The following HIPK2 variants were observed in gnomAD, a reference collection of about 807,000 sequenced individuals.
HIPK2 encodes the protein homeodomain-interacting protein kinase 2.
HIPK2 carries 27 observed loss-of-function variants against 113.7 expected under a neutral mutation model. That is an observed-to-expected ratio of 0.24 (90% CI 0.17 to 0.33). HIPK2 has a LOEUF of 0.33. Among genes scored for constraint, HIPK2 ranks in the 10% least tolerant of loss-of-function variants. The pLI, the probability that HIPK2 is intolerant of heterozygous loss-of-function variation, is 1.00. For synonymous variants in HIPK2, 631 were observed against 642.2 expected (o/e 0.98, Z 0.26); for missense variants, 1,257 against 1,588.0 (o/e 0.79, Z 3.54).
Position 139,626,585 on chromosome 7 carries a change from C to G in HIPK2, c.1619+16G>C, listed in dbSNP as rs773693800. 1 of 1,609,214 alleles carries G rather than the reference C, an allele frequency of 6.2e-7. No homozygotes were observed. Among genetic ancestry groups the G allele is most frequent in the African/African-American group, 1.3e-5 (1 of 74,958 alleles). ...TTTGCCGATCCCTGGTACGAAGCAT[C>G]AGGCAGGACACCTACTGTGTGCTGT... On this transcript the variant is annotated intron_variant, in intron 6 of 14. Transcript: ENST00000406875.
intron 2 of HIPK2, among the ~76,000 whole-genome samples, chr7:139,688,000 G>C (rs1569474614): frequency 6.6e-6 from 1 of 152,168 alleles, no homozygotes; most frequent in African/African-American, 2.4e-5. Context: ...CACATCCAGG[G>C]ATAAGCTCAC....
At chr7:139,690,776 C>T (rs563958320) in intron 2 of HIPK2, among the ~76,000 whole-genome samples, 3 of 152,362 alleles carry the variant, frequency 2.0e-5, no homozygotes, top group East Asian at 3.9e-4. Flanking sequence ...CCTTCACCTT[C>T]AGCCATGAGT....
At chr7:139,722,069 A>T (rs767771637) in intron 1 of HIPK2, 1 of 473,694 alleles carries the variant, frequency 2.1e-6, no homozygotes, top group South Asian at 1.6e-5. Flanking sequence ...TCAGATATGC[A>T]TGGGGTTCTT....
At chr7:139,650,349 C>CAAAA (rs35368461) in intron 2 of HIPK2, among the ~76,000 whole-genome samples, 1 of 100,212 alleles carries the variant, frequency 1.0e-5, no homozygotes, top group African/African-American at 4.2e-5. Context: ...GACTCCATCT[C>CAAAA]AAAAAAAAAA....
intron 2 of HIPK2, among the ~76,000 whole-genome samples, chr7:139,703,873 A>AC (rs1269448162): frequency 0.97 from 121,862 of 125,048 alleles, 59,372 homozygotes; most frequent in South Asian, 0.99. Context: ...CACACCCAAC[A>AC]CCACCACACA....
At chr7:139,775,852 T>C (rs982664116) in intron 1 of HIPK2, among the ~76,000 whole-genome samples, 1 of 152,106 alleles carries the variant, frequency 6.6e-6, no homozygotes, top group Non-Finnish European at 1.5e-5. Context: ...CAAGATGGCT[T>C]TCCACAAAGT....
At chr7:139,697,094 C>A (rs1472899533) in intron 2 of HIPK2, among the ~76,000 whole-genome samples, 1 of 152,196 alleles carries the variant, frequency 6.6e-6, no homozygotes, top group Non-Finnish European at 1.5e-5. Context: ...AATACTCCCC[C>A]TTTCGCCTCC....
At chr7:139,702,059 C>T (rs967886690) in intron 2 of HIPK2, among the ~76,000 whole-genome samples, 1 of 152,170 alleles carries the variant, frequency 6.6e-6, no homozygotes, top group African/African-American at 2.4e-5. Flanking sequence ...GAAAGAAGAA[C>T]ACGCTTTAGG....
At chr7:139,749,628 GT>G (rs893993349) in intron 1 of HIPK2, among the ~76,000 whole-genome samples, 3 of 152,210 alleles carry the variant, frequency 2.0e-5, no homozygotes, top group Admixed American at 1.3e-4. Flanking sequence ...CAGGTCTGAG[GT>G]AAGACGCCGC....
intron 2 of HIPK2, among the ~76,000 whole-genome samples, chr7:139,659,809 G>T (rs1418179645): frequency 6.6e-6 from 1 of 152,054 alleles, no homozygotes; most frequent in East Asian, 1.9e-4. Flanking sequence ...GTTATTTCTT[G>T]ATTTCCTTTA....
intron 2 of HIPK2, among the ~76,000 whole-genome samples, chr7:139,703,505 T>A (rs1393493397): frequency 6.6e-6 from 1 of 152,048 alleles, no homozygotes; most frequent in Non-Finnish European, 1.5e-5. Flanking sequence ...TTGTCCCTCA[T>A]GTTCTGGCCA....
At chr7:139,645,629 T>C (rs562889623) in intron 2 of HIPK2, among the ~76,000 whole-genome samples, 11 of 152,290 alleles carry the variant, frequency 7.2e-5, no homozygotes, top group South Asian at 2.1e-4. Context: ...AAGTACAGGA[T>C]GCGGCCTGAC....
chr7:139,616,261 C>T (rs1800040837), intron 7 of HIPK2, among the ~76,000 whole-genome samples: 1 of 152,186 alleles, frequency 6.6e-6, no homozygotes, highest in South Asian at 2.1e-4. Context: ...ACCTATAAGG[C>T]CCTGACTAGA....
In HIPK2 at chr7:139,571,901, C is replaced by T. The variant is rs1478878199; in HGVS notation, c.*1026G>A. 2.0e-5 allele frequency: 3 copies of T among 152,216 alleles called. No homozygotes were observed. Among genetic ancestry groups the T allele is most frequent in the Admixed American group, 6.5e-5 (1 of 15,284 alleles). The allele number at this position is 152,216 out of a possible 1,614,324, so 9.4% of individuals were successfully genotyped here. ...TGCACACCCACACGTGCTCGCTCACCCGCACACCTGCACCGCCACATTGGT... is the reference window on the plus strand; with the variant it reads ...TGCACACCCACACGTGCTCGCTCACTCGCACACCTGCACCGCCACATTGGT... On this transcript the variant is annotated 3_prime_UTR_variant, in exon 15 of 15. Transcript: ENST00000406875.
At chr7:139,703,927 C>T (rs1424937358) in intron 2 of HIPK2, among the ~76,000 whole-genome samples, 1 of 141,158 alleles carries the variant, frequency 7.1e-6, no homozygotes, top group African/African-American at 2.7e-5. Flanking sequence ...TACAACCCCT[C>T]CACACCCACA....
At chr7:139,644,169 CT>C (rs548803768) in intron 2 of HIPK2, among the ~76,000 whole-genome samples, 90 of 151,482 alleles carry the variant, frequency 5.9e-4, no homozygotes, top group African/African-American at 2.1e-3. Context: ...ATGTTTTTAT[CT>C]TTTTTTTTAA....
intron 1 of HIPK2, among the ~76,000 whole-genome samples, chr7:139,752,505 C>T (rs1291743973): frequency 1.3e-5 from 2 of 152,108 alleles, no homozygotes; most frequent in African/African-American, 4.8e-5. Flanking sequence ...TCATGCCCAC[C>T]TCCCTTCTGA....
chr7:139,606,873 C>A (rs1470696442), intron 9 of HIPK2, among the ~76,000 whole-genome samples: 1 of 151,832 alleles, frequency 6.6e-6, no homozygotes, highest in East Asian at 1.9e-4. Context: ...CTAATGATCA[C>A]CAGACAGTAA....
chr7:139,700,309 T>C (rs1459868383), intron 2 of HIPK2, among the ~76,000 whole-genome samples: 2 of 152,134 alleles, frequency 1.3e-5, no homozygotes, highest in African/African-American at 2.4e-5. Flanking sequence ...GGCTGTACCG[T>C]TGTAGTGGTC....
Sources: allele counts gnomAD v4.1 joint callset (sites outside exome capture counted in the v4.1 genomes callset), GRCh38; gene constraint gnomAD v4.1.1; transcripts MANE v1.5; gene names NCBI Gene and HGNC (gene_info 2026-07-23, HGNC 2026-07-21).